Variants in CR1L observed in about 807,000 individuals in gnomAD.
CR1L encodes the protein complement component receptor 1-like protein.
CR1L carries 59 observed loss-of-function variants against 62.3 expected under a neutral mutation model. The observed-to-expected ratio is 0.95, with a 90% CI of 0.77 to 1.18. The LOEUF is 1.18. Among genes scored for constraint, CR1L ranks in the 50% most tolerant of loss-of-function variants. The probability of loss-of-function intolerance (pLI) is 0.00; values close to 1 mark genes in which losing one functional copy is unlikely to be tolerated. For synonymous variants in CR1L, 279 were observed against 248.7 expected, an observed-to-expected ratio of 1.12 and a Z score of -1.15; for missense variants, 700 against 702.8, an observed-to-expected ratio of 1.00 and a Z score of 0.04.
chr1:207,661,031 C>G (rs189239144), intron 1 of CR1L, among the ~76,000 whole-genome samples: 92 of 152,264 alleles, frequency 6.0e-4, no homozygotes, highest in African/African-American at 2.1e-3. Context: ...AATTTCTTTT[C>G]TTTTACATTT....
chr1:207,718,828 A>G (rs540921014), intron 11 of CR1L, among the ~76,000 whole-genome samples: 5 of 151,668 alleles, frequency 3.3e-5, no homozygotes, highest in Non-Finnish European at 5.9e-5. Flanking sequence ...TTGCGGCATT[A>G]TTCACAATAG....
intron 11 of CR1L, among the ~76,000 whole-genome samples, chr1:207,722,323 T>G (rs912933403): frequency 2.6e-5 from 3 of 114,036 alleles, no homozygotes; most frequent in African/African-American, 9.1e-5. Flanking sequence ...TTTATGGTTT[T>G]AGGTCTAATG....
intron 3 of CR1L, among the ~76,000 whole-genome samples, chr1:207,679,056 G>A (rs1279792326): frequency 1.3e-5 from 2 of 149,564 alleles, no homozygotes; most frequent in Non-Finnish European, 3.0e-5. Context: ...GAGTGCAGTG[G>A]CGAGATCTCG....
At chr1:207,722,622 A>T (rs1360707989) in intron 11 of CR1L, among the ~76,000 whole-genome samples, 1 of 152,168 alleles carries the variant, frequency 6.6e-6, no homozygotes, top group Non-Finnish European at 1.5e-5. Flanking sequence ...GAAGTCAGGT[A>T]GTGTGATAAA....
chr1:207,688,721 C>A (rs1233576203), intron 4 of CR1L, among the ~76,000 whole-genome samples: 1 of 152,010 alleles, frequency 6.6e-6, no homozygotes, highest in Non-Finnish European at 1.5e-5. Context: ...GATATATCCT[C>A]CCATTTTTGA....
chr1:207,676,126 C>T (rs895439325), intron 1 of CR1L, among the ~76,000 whole-genome samples: 1 of 152,190 alleles, frequency 6.6e-6, no homozygotes, highest in Non-Finnish European at 1.5e-5. Context: ...AGCTACAACA[C>T]AGGCACTTAC....
chr1:207,676,089 A>C (rs1349026845), intron 1 of CR1L, among the ~76,000 whole-genome samples: 1 of 152,176 alleles, frequency 6.6e-6, no homozygotes, highest in Non-Finnish European at 1.5e-5. Flanking sequence ...CTTTACAAGA[A>C]AGTATGATAA....
At chr1:207,719,036 C>T (rs907153028) in intron 11 of CR1L, among the ~76,000 whole-genome samples, 35 of 141,940 alleles carry the variant, frequency 2.5e-4, no homozygotes, top group Non-Finnish European at 7.6e-5. Context: ...CATATTCTCA[C>T]TCATAGGTGG....
Position 207,694,510 on chromosome 1 carries a change from C to A in CR1L, c.621C>A (p.Cys207Ter), listed in dbSNP as rs773415486. The change falls in exon 5 of 12, where the codon TGC (cysteine) becomes TGA (stop). Residue 207 changes from cysteine (C) to a stop codon, truncating the protein, a stop_gained. Coordinates refer to ENST00000508064, the MANE Select transcript of CR1L (RefSeq NM_175710.2). LOFTEE classifies it high-confidence loss of function. Reference protein sequence around the residue: ...FELVGEPSIYCTSKDDQVGIW... With the variant: ...FELVGEPSIY Reference sequence around the variant, plus strand: ...TTGTGGGTGAGCCCTCCATATACTGCACCAGCAAAGATGATCAAGTGGGCA... The same window carrying A: ...TTGTGGGTGAGCCCTCCATATACTGAACCAGCAAAGATGATCAAGTGGGCA... 3 of 1,613,688 alleles carry A rather than the reference C, an allele frequency of 1.9e-6. No individual in the cohort carries two copies. Among genetic ancestry groups the A allele is most frequent in the Non-Finnish European group, 1.7e-6 (2 of 1,179,876 alleles).
chr1:207,713,304 A>G (rs540988154), intron 10 of CR1L, among the ~76,000 whole-genome samples: 1 of 152,266 alleles, frequency 6.6e-6, no homozygotes, highest in South Asian at 2.1e-4. Flanking sequence ...ATAATAAGGC[A>G]AAGGTTGTTT....
At chr1:207,655,596 A>G (rs1663295232) in intron 1 of CR1L, among the ~76,000 whole-genome samples, 1 of 152,102 alleles carries the variant, frequency 6.6e-6, no homozygotes, top group South Asian at 2.1e-4. Context: ...ATGTGCCACC[A>G]TACCTGGCTT....
At chr1:207,662,475 C>T (rs556016706) in intron 1 of CR1L, among the ~76,000 whole-genome samples, 19 of 152,298 alleles carry the variant, frequency 1.2e-4, no homozygotes, top group African/African-American at 3.4e-4. Context: ...ACGTAGTTCT[C>T]GTGCCATAGT....
intron 11 of CR1L, among the ~76,000 whole-genome samples, chr1:207,719,016 C>A (rs1654071860): frequency 1.4e-5 from 2 of 145,076 alleles, no homozygotes; most frequent in Non-Finnish European, 3.0e-5. Flanking sequence ...GAACAAAAAA[C>A]CAAACACCGC....
At chr1:207,669,595 C>T in intron 1 of CR1L, 2 of 1,359,904 alleles carry the variant, frequency 1.5e-6, no homozygotes, top group East Asian at 2.5e-5. Context: ...GGGGAGGCGC[C>T]CGGGCTGACG....
rs371954344 is a variant in CR1L at position 207,694,382 on chromosome 1, G to A, written c.493G>A (p.Ala165Thr). 2.7e-5 allele frequency: 44 copies of A among 1,613,750 alleles called. No homozygotes were observed. The East Asian group carries it at 3.1e-4, about 11-fold the overall frequency. Residue 165 changes from alanine (A) to threonine (T), a missense_variant, in exon 5 of 12, where the codon GCC becomes ACC. Coordinates refer to ENST00000508064, the MANE Select transcript of CR1L (RefSeq NM_175710.2). Reference sequence around the variant, plus strand: ...TATTTGTGGGCTACCCCCCACCATCGCCAATGGAGATTTCACTAGCATCAG... The same window carrying A: ...TATTTGTGGGCTACCCCCCACCATCACCAATGGAGATTTCACTAGCATCAG... ...RIICGLPPTI[A>T]NGDFTSISRE...
At chr1:207,677,121 G>T (rs1663703593) in intron 1 of CR1L, among the ~76,000 whole-genome samples, 1 of 152,032 alleles carries the variant, frequency 6.6e-6, no homozygotes, top group Middle Eastern at 3.4e-3. Flanking sequence ...GAGGTCAGGA[G>T]TTTGAGCCTG....
intron 1 of CR1L, among the ~76,000 whole-genome samples, chr1:207,674,149 T>C (rs796480027): frequency 1.1e-4 from 17 of 152,120 alleles, no homozygotes; most frequent in African/African-American, 4.1e-4. Context: ...AATCAATCTG[T>C]AGTAAGAGAA....
chr1:207,705,871 C>T (rs1489023886), intron 9 of CR1L, among the ~76,000 whole-genome samples: 4 of 152,012 alleles, frequency 2.6e-5, no homozygotes, highest in South Asian at 2.1e-4. Flanking sequence ...AGAACACTCT[C>T]CTTTTCCTAT....
At chr1:207,710,562 T>G (rs3927459) in intron 10 of CR1L, 951,083 of 1,609,042 alleles carry the variant, frequency 0.59, 288,078 homozygotes, top group East Asian at 0.87. Flanking sequence ...GATCAAGTGG[T>G]CGTCTGGAGC....
Sources: gnomAD v4.1 joint callset for allele counts (sites outside exome capture counted in the v4.1 genomes callset) on GRCh38, gnomAD v4.1.1 for gene constraint, MANE v1.5 for transcripts, NCBI Gene and HGNC (gene_info 2026-07-23, HGNC 2026-07-21) for gene names.